VPS8: variants seen among roughly 807,000 people sequenced by gnomAD.
The protein encoded by VPS8 is VPS8 subunit of CORVET complex, also known as vacuolar protein sorting-associated protein 8 homolog.
In VPS8, 129 loss-of-function variants were observed where a neutral mutation model predicts 216.4. That is an observed-to-expected ratio of 0.60 (90% CI 0.52 to 0.69). The LOEUF (loss-of-function observed/expected upper bound fraction) is 0.69, where lower values mean the gene tolerates loss of function less well. Among genes scored for constraint, VPS8 ranks in the 30% least tolerant of loss-of-function variants. The pLI is 0.00. For synonymous variants in VPS8, 571 were observed against 565.4 expected (o/e 1.01, Z -0.14); for missense variants, 1,531 against 1,683.5 (o/e 0.91, Z 1.59).
At chr3:184,825,500 T>C (rs867831422) in intron 2 of VPS8, among the ~76,000 whole-genome samples, 21 of 152,244 alleles carry the variant, frequency 1.4e-4, no homozygotes, top group Non-Finnish European at 2.4e-4. Flanking sequence ...TGTCAGACTT[T>C]TGCTTATTGC....
At chr3:184,834,269 C>T (rs1343707766) in intron 4 of VPS8, among the ~76,000 whole-genome samples, 1 of 152,140 alleles carries the variant, frequency 6.6e-6, no homozygotes, top group African/African-American at 2.4e-5. Context: ...CAGTTTGAAT[C>T]GTGAGAAAGG....
chr3:184,984,728 A>G (rs958157726), intron 42 of VPS8, among the ~76,000 whole-genome samples: 1 of 152,232 alleles, frequency 6.6e-6, no homozygotes, highest in Non-Finnish European at 1.5e-5. Flanking sequence ...GTATAAAGTA[A>G]TATCTCCATA....
chr3:184,916,303 ATTG>A (rs1160716457), intron 28 of VPS8, among the ~76,000 whole-genome samples: 2 of 152,160 alleles, frequency 1.3e-5, no homozygotes, highest in Admixed American at 6.5e-5. Flanking sequence ...ATTAAATGGT[ATTG>A]TTGTTTTTTG....
intron 9 of VPS8, 152 bp downstream of exon 9, chr3:184,849,347 G>A (rs1380219044): frequency 1.1e-6 from 1 of 929,946 alleles, no homozygotes; most frequent in African/African-American, 1.7e-5. Flanking sequence ...GTTTTGTCTT[G>A]TTCAAAATTT....
At chr3:184,860,384 C>CGTATATATATGTATGTATACGTATATAT (rs1201951763) in intron 15 of VPS8, among the ~76,000 whole-genome samples, 68 of 146,098 alleles carry the variant, frequency 4.7e-4, no homozygotes, top group South Asian at 1.5e-3. Context: ...TATATATATA[C>CGTATATATATGTATGTATACGTATATAT]GTATATATAT....
intron 45 of VPS8, among the ~76,000 whole-genome samples, chr3:185,003,957 G>A (rs1185228026): frequency 8.6e-5 from 13 of 151,320 alleles, no homozygotes; most frequent in South Asian, 6.3e-4. Flanking sequence ...CATCTCAGAC[G>A]ATGGGCGGCC....
At chr3:184,929,282 C>T (rs1740249735) in intron 32 of VPS8, among the ~76,000 whole-genome samples, 1 of 152,192 alleles carries the variant, frequency 6.6e-6, no homozygotes, top group Non-Finnish European at 1.5e-5. Flanking sequence ...TAGCCTTAAC[C>T]TCCTGGTCTC....
chr3:184,984,667 C>G (rs184370989), intron 42 of VPS8, among the ~76,000 whole-genome samples: 1 of 152,266 alleles, frequency 6.6e-6, no homozygotes, highest in East Asian at 1.9e-4. Flanking sequence ...TTGATATAGA[C>G]TGCTTCACAT....
chr3:184,997,387 A>G (rs1397524954), intron 44 of VPS8, among the ~76,000 whole-genome samples: 1 of 152,208 alleles, frequency 6.6e-6, no homozygotes, highest in African/African-American at 2.4e-5. Context: ...TGAGGATTGA[A>G]TGAGATGATT....
At chr3:184,891,037 TA>T (rs1258478601) in intron 22 of VPS8, among the ~76,000 whole-genome samples, 1 of 152,162 alleles carries the variant, frequency 6.6e-6, no homozygotes, top group Non-Finnish European at 1.5e-5. Context: ...AGAGTTTATG[TA>T]AACCATAATT....
intron 21 of VPS8, among the ~76,000 whole-genome samples, chr3:184,880,325 C>A (rs1409813147): frequency 6.6e-6 from 1 of 152,104 alleles, no homozygotes; most frequent in Non-Finnish European, 1.5e-5. Context: ...CTGCTCCCAC[C>A]CCCTCCTTAA....
At chr3:185,043,677 A>G (rs558112201) in intron 46 of VPS8, among the ~76,000 whole-genome samples, 1 of 152,346 alleles carries the variant, frequency 6.6e-6, no homozygotes, top group African/African-American at 2.4e-5. Context: ...GCAGAACACT[A>G]GTAGCTATAT....
intron 25 of VPS8, among the ~76,000 whole-genome samples, chr3:184,907,927 C>T (rs1299580822): frequency 6.6e-6 from 1 of 152,138 alleles, no homozygotes; most frequent in Non-Finnish European, 1.5e-5. Flanking sequence ...TTGAGAATTT[C>T]CCTGGGTATG....
chr3:185,024,599 C>A (rs1324363538), intron 46 of VPS8, among the ~76,000 whole-genome samples: 1 of 152,228 alleles, frequency 6.6e-6, no homozygotes, highest in Non-Finnish European at 1.5e-5. Flanking sequence ...AGTCTCCTAG[C>A]AACTATCAGT....
intron 1 of VPS8, chr3:184,812,882 T>G (rs1049886896): frequency 6.6e-6 from 1 of 152,262 alleles, no homozygotes; most frequent in African/African-American, 2.4e-5. Context: ...GAGGCTTAGA[T>G]GGGGTGTCCA....
chr3:184,968,658 T>A (rs1747822907), intron 39 of VPS8, among the ~76,000 whole-genome samples: 1 of 152,232 alleles, frequency 6.6e-6, no homozygotes, highest in Non-Finnish European at 1.5e-5. Flanking sequence ...TTTTGGCTAT[T>A]TATCTACCTT....
At chr3:184,821,736 A>G (rs749193093) in intron 1 of VPS8, among the ~76,000 whole-genome samples, 1 of 152,152 alleles carries the variant, frequency 6.6e-6, no homozygotes, top group Non-Finnish European at 1.5e-5. Flanking sequence ...GTTCATCTCC[A>G]GTGACAGATG....
intron 46 of VPS8, among the ~76,000 whole-genome samples, chr3:185,046,711 T>C (rs6772867): frequency 0.52 from 79,785 of 152,060 alleles, 21,880 homozygotes; most frequent in African/African-American, 0.68. Flanking sequence ...CTAATTTTCA[T>C]AACAATTCTG....
intron 47 of VPS8, among the ~76,000 whole-genome samples, chr3:185,049,283 G>A (rs897960587): frequency 1.3e-5 from 2 of 152,178 alleles, no homozygotes; most frequent in African/African-American, 2.4e-5. Flanking sequence ...ACATCAGACC[G>A]GGTGTCCCCC....
Sources: allele counts gnomAD v4.1 joint callset (sites outside exome capture counted in the v4.1 genomes callset), GRCh38; gene constraint gnomAD v4.1.1; transcripts MANE v1.5; gene names NCBI Gene and HGNC (gene_info 2026-07-23, HGNC 2026-07-21).